The following SAMD4B variants were observed in gnomAD, a reference collection of about 807,000 sequenced individuals.
SAMD4B encodes protein Smaug homolog 2.
A neutral mutation model predicts 74.5 loss-of-function variants in SAMD4B; 5 were observed. The observed-to-expected ratio is 0.07, with a 90% CI of 0.04 to 0.14. SAMD4B has a LOEUF of 0.14. Among genes scored for constraint, SAMD4B ranks in the 10% least tolerant of loss-of-function variants. The pLI is 1.00. For missense variants in SAMD4B, 608 were observed against 921.8 expected (o/e 0.66, Z 4.41); for synonymous variants, 373 against 374.9 (o/e 1.00, Z 0.06).
downstream of SAMD4B, chr19:39,389,414 C>A: frequency 6.2e-7 from 1 of 1,611,460 alleles, no homozygotes; most frequent in Non-Finnish European, 8.5e-7. The surrounding 1 kb of genome is among the most constrained non-coding windows in gnomAD (Gnocchi z 5.3). Flanking sequence ...TCTCAGGACC[C>A]CACTGCCCTC....
At position 39,375,719 on chromosome 19, in the gene SAMD4B, T is replaced by A; in HGVS notation, c.737T>A (p.Val246Asp). The A allele has an allele frequency of 1.9e-6, 3 of 1,614,072 alleles. No individual in the cohort carries two copies. The highest frequency in any genetic ancestry group is 2.5e-6 in the Non-Finnish European group (3 of 1,179,980). The change falls in exon 5 of 14, where the codon GTC becomes GAC. Residue 246 changes from valine (V) to aspartate (D), a missense_variant. Around this residue, in one of 9 missense-constraint regions of SAMD4B, gnomAD observed 153 missense variants for 153.0 expected, o/e 1.00. Transcript: ENST00000610417. This position sits in a 1 kb window ranked among gnomAD's most constrained non-coding sequence, Gnocchi z 4.1. ...TCACTCATCCCTACAAGCCCCCAGGTCCCTGGTGAGTGGCCGAGTCCAGAG... is the reference window on the plus strand; with the variant it reads ...TCACTCATCCCTACAAGCCCCCAGGACCCTGGTGAGTGGCCGAGTCCAGAG... ...SMSLIPTSPQ[V>D]PGEWPSPEEL...
chr19:39,355,018 G>C (rs1177408094), intron 2 of SAMD4B, among the ~76,000 whole-genome samples: 1 of 152,080 alleles, frequency 6.6e-6, no homozygotes, highest in Non-Finnish European at 1.5e-5. Context: ...GATTACAGGC[G>C]TGCAGTAGCA....
intron 12 of SAMD4B, among the ~76,000 whole-genome samples, chr19:39,382,572 T>C (rs572045801): frequency 2.6e-5 from 4 of 152,244 alleles, no homozygotes; most frequent in East Asian, 1.9e-4. Flanking sequence ...GCTCGGACTT[T>C]GTCCTGATGG....
chr19:39,347,393 C>CA (rs1238715327), intron 1 of SAMD4B, among the ~76,000 whole-genome samples: 1 of 152,204 alleles, frequency 6.6e-6, no homozygotes, highest in Non-Finnish European at 1.5e-5. Context: ...CCCTGCAACT[C>CA]AGTCTCTGGC....
At chr19:39,368,409 C>T (rs947470481) in intron 3 of SAMD4B, among the ~76,000 whole-genome samples, 3 of 152,078 alleles carry the variant, frequency 2.0e-5, no homozygotes, top group Non-Finnish European at 4.4e-5. Flanking sequence ...GGGCCAAAAC[C>T]TTGAATCTCA....
In SAMD4B at chr19:39,380,651, A is replaced by G. The variant is rs2077913023; in HGVS notation, c.1714A>G (p.Thr572Ala). The change falls in exon 11 of 14, where the codon ACC becomes GCC. Residue 572 changes from threonine to alanine, a missense_variant. Thr to Ala is a moderately conservative substitution (Grantham distance 58, BLOSUM62 0). This residue lies in a region of SAMD4B where 167 missense variants were observed against 193.0 expected (regional missense o/e 0.87). Coordinates refer to ENST00000610417, the MANE Select transcript of SAMD4B (RefSeq NM_001384574.2). The stretch of plus-strand genomic sequence containing the variant: ...TGTGGGGATGGGAGTGGCCCGGCGT[A>G]CCCAGCGGCAGTTCCCAATGCCTCC... ...GSVGMGVARR[T>A]QRQFPMPPRA... 6.2e-7 allele frequency: 1 copy of G among 1,613,780 alleles called. No individual in the cohort carries two copies. Among genetic ancestry groups the G allele is most frequent in the African/African-American group, 1.3e-5 (1 of 74,856 alleles).
At chr19:39,366,308 T>TC (rs1363758223) in intron 3 of SAMD4B, among the ~76,000 whole-genome samples, 3 of 151,502 alleles carry the variant, frequency 2.0e-5, no homozygotes, top group Non-Finnish European at 2.9e-5. Context: ...AAAGTGAGAC[T>TC]CCATCAAAAA....
downstream of SAMD4B, chr19:39,386,813 A>G: frequency 6.3e-7 from 1 of 1,585,128 alleles, no homozygotes; most frequent in Non-Finnish European, 8.7e-7. This position sits in a 1 kb window ranked among gnomAD's most constrained non-coding sequence, Gnocchi z 6.1. Context: ...CAGGGGGTGA[A>G]TTTGGGAGAG....
chr19:39,383,083 C>A lies in SAMD4B; in HGVS notation c.1973-125C>A, dbSNP rs1228020761. 8 of 777,548 alleles carry A rather than the reference C, an allele frequency of 1.0e-5. No individual in the cohort carries two copies. The highest frequency in any genetic ancestry group is 1.6e-5 in the Non-Finnish European group (7 of 434,034). The allele number at this position is 777,548 out of a possible 1,614,324, so 48.2% of individuals were successfully genotyped here. On this transcript the variant is annotated intron_variant, in intron 12 of 13. Transcript: ENST00000610417. This position sits in a 1 kb window ranked among gnomAD's most constrained non-coding sequence, Gnocchi z 4.1. Reference sequence around the variant, plus strand: ...GCCTCTCTCCCTGTCCACCTCCTCCCGTTCTTCCCTCTCCCCCTCCATCTC... The same window carrying A: ...GCCTCTCTCCCTGTCCACCTCCTCCAGTTCTTCCCTCTCCCCCTCCATCTC...
Position 39,380,891 on chromosome 19 carries a change from C to T in SAMD4B, c.1849-99C>T, listed in dbSNP as rs534796015. Reference sequence around the variant, plus strand: ...GTGTCTGGACCCAGCTTAGAGGTGGCGGGGGTGGGAGTGGGAGAAGGCCTG... The same window carrying T: ...GTGTCTGGACCCAGCTTAGAGGTGGTGGGGGTGGGAGTGGGAGAAGGCCTG... On this transcript the variant is annotated intron_variant, in intron 11 of 13. Coordinates refer to ENST00000610417, the MANE Select transcript of SAMD4B (RefSeq NM_001384574.2). 4.7e-5 allele frequency: 70 copies of T among 1,482,728 alleles called. No homozygotes were observed. In the African/African-American group the frequency reaches 6.2e-4, roughly 13 times the overall value. The allele number at this position is 1,482,728 out of a possible 1,614,324, so 91.8% of individuals were successfully genotyped here. A position where few individuals can be genotyped will look rare whatever the true frequency, so the allele number is the denominator to read the frequency against.
chr19:39,343,192 CCTGCCTCTCA>C (rs889780194), intron 1 of SAMD4B, among the ~76,000 whole-genome samples: 10 of 151,876 alleles, frequency 6.6e-5, no homozygotes, highest in African/African-American at 2.4e-4. Context: ...CCCCCGGAGC[CCTGCCTCTCA>C]CAGCCCAACA....
At position 39,357,037 on chromosome 19, in the gene SAMD4B, A is replaced by G; in HGVS notation, c.144A>G (p.Ser48=). ...TCCTGCAGCTCTGCCTGGAGCACTC[A>G]CTGGCGGACTGCAATGACATCCACC... ...ARFLQLCLEH[S]LADCNDIHLL... is the part of the protein sequence containing the mutation. Residue 48 remains serine (S), a synonymous_variant, in exon 3 of 14, where the codon TCA becomes TCG. Transcript: ENST00000610417. 6 of 1,613,760 alleles carry G rather than the reference A, an allele frequency of 3.7e-6. No homozygotes were observed. In the South Asian group the frequency reaches 6.6e-5, roughly 18 times the overall value.
downstream of SAMD4B, chr19:39,385,712 G>A (rs939517612): frequency 2.3e-5 from 12 of 523,270 alleles, no homozygotes; most frequent in Admixed American, 7.3e-5. Context: ...TCTGACCTTC[G>A]TTGTGCTACA....
At chr19:39,382,379 C>T (rs998329294) in intron 12 of SAMD4B, among the ~76,000 whole-genome samples, 3 of 152,140 alleles carry the variant, frequency 2.0e-5, no homozygotes, top group Non-Finnish European at 4.4e-5. Context: ...TGTGTAAGGA[C>T]GCTGATGTTA....
At chr19:39,389,100 T>C (rs1234985807), downstream of SAMD4B, 6 of 1,613,830 alleles carry the variant, frequency 3.7e-6, no homozygotes, top group Non-Finnish European at 5.1e-6. This position sits in a 1 kb window ranked among gnomAD's most constrained non-coding sequence, Gnocchi z 5.3. Context: ...TACTGATTTC[T>C]GGGCATCCTC....
chr19:39,389,963 G>A (rs2078337989), downstream of SAMD4B: 8 of 1,066,216 alleles, frequency 7.5e-6, no homozygotes, highest in Non-Finnish European at 1.2e-5. The surrounding 1 kb of genome is among the most constrained non-coding windows in gnomAD (Gnocchi z 5.3). Flanking sequence ...CTATGTGCTA[G>A]GGTAGGTACT....
At chr19:39,377,376 C>T in intron 7 of SAMD4B, 109 bp from the exon 8 acceptor site, 1 of 898,870 alleles carries the variant, frequency 1.1e-6, no homozygotes, top group Non-Finnish European at 1.7e-6. Flanking sequence ...TGCTGGAACC[C>T]AGGGTCCTAC....
At chr19:39,350,217 T>C (rs952577215) in intron 1 of SAMD4B, 3 of 152,184 alleles carry the variant, frequency 2.0e-5, no homozygotes, top group African/African-American at 7.2e-5. Context: ...TCATGCGCGG[T>C]ATTTTTAAAT....
intron 3 of SAMD4B, among the ~76,000 whole-genome samples, chr19:39,365,393 A>C (rs943670584): frequency 2.0e-5 from 3 of 152,122 alleles, no homozygotes; most frequent in African/African-American, 4.8e-5. Flanking sequence ...GTCTCTACTC[A>C]AAATATAAAA....
Sources: allele counts gnomAD v4.1 joint callset (sites outside exome capture counted in the v4.1 genomes callset), GRCh38; gene constraint gnomAD v4.1.1; regional missense constraint gnomAD v4.1.1; non-coding constraint Gnocchi (gnomAD v3.1); transcripts MANE v1.5; gene names NCBI Gene and HGNC (gene_info 2026-07-23, HGNC 2026-07-21).